Variants in VEZF1 observed in about 807,000 individuals in gnomAD.
VEZF1 encodes vascular endothelial zinc finger 1.
VEZF1 carries 5 observed loss-of-function variants against 44.1 expected under a neutral mutation model. That is an observed-to-expected ratio of 0.11 (90% CI 0.06 to 0.24). VEZF1 has a LOEUF of 0.24. Ranked by LOEUF, VEZF1 falls within the 10% of genes least tolerant of loss-of-function variation. The probability of loss-of-function intolerance (pLI) is 1.00; values close to 1 mark genes in which losing one functional copy is unlikely to be tolerated. For missense variants in VEZF1, 358 were observed against 641.8 expected (o/e 0.56, Z 4.78); for synonymous variants, 236 against 233.1 (o/e 1.01, Z -0.11).
In VEZF1 at chr17:57,972,968, A is replaced by G. The variant is rs1485397946; in HGVS notation, c.*1505T>C. The G allele has an allele frequency of 6.6e-6, 1 of 152,588 alleles. No individual in the cohort carries two copies. The allele number at this position is 152,588 out of a possible 1,614,324, so 9.5% of individuals were successfully genotyped here. On this transcript the variant is annotated 3_prime_UTR_variant, in exon 6 of 6. Coordinates refer to ENST00000581208, the MANE Select transcript of VEZF1 (RefSeq NM_007146.3). The stretch of plus-strand genomic sequence containing the variant: ...TCCAGTTTGATAGTCAGTCCTGCAA[A>G]CATTCTGCAAGATTAACACAACTAA...
intron 5 of VEZF1, among the ~76,000 whole-genome samples, chr17:57,976,939 C>T (rs1000742703): frequency 2.0e-5 from 3 of 152,132 alleles, no homozygotes; most frequent in African/African-American, 7.2e-5. Flanking sequence ...TTACCTCCTC[C>T]TCCGTGTTTT....
At position 57,981,949 on chromosome 17, in the gene VEZF1, G is replaced by A. The variant is rs1017191246; in HGVS notation, c.729-13C>T. 4 of 1,613,434 alleles carry A rather than the reference G, an allele frequency of 2.5e-6. No individual in the cohort carries two copies. The African/African-American group carries it at 5.3e-5, about 22-fold the overall frequency. ...TAAGTGGTCAGGCCTGTGAAAAAGA[G>A]AGTTTCAACAGAAGATATAATCGAA... On this transcript the variant is annotated splice_polypyrimidine_tract_variant and intron_variant, in intron 2 of 5. Transcript: ENST00000581208.
At chr17:57,983,470 G>A (rs567564229) in intron 1 of VEZF1, 77 bp from the exon 2 acceptor site, 1 of 1,287,754 alleles carries the variant, frequency 7.8e-7, no homozygotes, top group Non-Finnish European at 1.1e-6. Context: ...CCAGACAATA[G>A]AGACCAGAAG....
chr17:57,982,322 TAA>T (rs2075256680), intron 2 of VEZF1, among the ~76,000 whole-genome samples: 1 of 152,198 alleles, frequency 6.6e-6, no homozygotes, highest in Non-Finnish European at 1.5e-5. Flanking sequence ...AAAGTTTAAT[TAA>T]GAGTATCCAA....
Position 57,979,223 on chromosome 17 carries a change from A to G in VEZF1, c.1067T>C (p.Val356Ala). Residue 356 changes from valine (V) to alanine (A), a missense_variant, in exon 5 of 6, where the codon GTG (valine) becomes GCG (alanine). Coordinates refer to ENST00000581208, the MANE Select transcript of VEZF1 (RefSeq NM_007146.3). The stretch of plus-strand genomic sequence containing the variant: ...TACTTGCTTCCCTGGCCAGCTTGTC[A>G]CATGTTGTTGTTGTTGTTGTTGCTG... ...QQQQQQQQQH[V>A]TSWPGKQVET... The G allele has an allele frequency of 6.2e-7, 1 of 1,612,050 alleles. No homozygotes were observed. Among genetic ancestry groups the G allele is most frequent in the Non-Finnish European group, 8.5e-7 (1 of 1,179,766 alleles).
Position 57,974,491 on chromosome 17 carries a change from A to G in VEZF1, c.1548T>C (p.Pro516=), listed in dbSNP as rs559896029. The change falls in exon 6 of 6, where the codon CCT becomes CCC. Residue 516 remains proline (P), a synonymous_variant. Coordinates refer to ENST00000581208, the MANE Select transcript of VEZF1 (RefSeq NM_007146.3). ...ESMPFLPQAL[P]TSPPW Reference sequence around the variant, plus strand: ...ATACTGTTTACCAAGGCGGTGATGTAGGCAAAGCTTGGGGCAAGAAAGGCA... The same window carrying G: ...ATACTGTTTACCAAGGCGGTGATGTGGGCAAAGCTTGGGGCAAGAAAGGCA... 1 of 1,613,550 alleles carries G rather than the reference A, an allele frequency of 6.2e-7. No individual in the cohort carries two copies. Among genetic ancestry groups the G allele is most frequent in the Non-Finnish European group, 8.5e-7 (1 of 1,179,488 alleles).
At chr17:57,979,341 G>A (rs756810105) in intron 4 of VEZF1, 28 bp from the exon 5 acceptor site, 1 of 1,607,112 alleles carries the variant, frequency 6.2e-7, no homozygotes, top group Non-Finnish European at 8.5e-7. Flanking sequence ...CAAAAACACT[G>A]TATCTACCTG....
intron 5 of VEZF1, among the ~76,000 whole-genome samples, chr17:57,975,161 A>C (rs2075177797): frequency 6.6e-6 from 1 of 152,206 alleles, no homozygotes; most frequent in Non-Finnish European, 1.5e-5. Flanking sequence ...TTTAGGTTTC[A>C]AGTTCAGATT....
rs528048674 is a variant in VEZF1 at position 57,982,985 on chromosome 17, G to T, written c.442C>A (p.Pro148Thr). 3.1e-6 allele frequency: 5 copies of T among 1,614,126 alleles called. No homozygotes were observed. The African/African-American group carries it at 6.7e-5, about 22-fold the overall frequency. The change falls in exon 2 of 6, where the codon CCC (proline) becomes ACC (threonine). Residue 148 changes from proline to threonine, a missense_variant. This residue lies in a region of VEZF1 where 117 missense variants were observed against 207.2 expected (regional missense o/e 0.56). Coordinates refer to ENST00000581208, the MANE Select transcript of VEZF1 (RefSeq NM_007146.3). ...GCTGTGGTGCTGGCACTGCTACTGG[G>T]GTTGGTGCCCGAGGAAGATGTAGTG... ...TVTTSSSGTN[P>T]SSSASTTAMP...
At chr17:57,977,305 T>C (rs943701678) in intron 5 of VEZF1, among the ~76,000 whole-genome samples, 1 of 152,020 alleles carries the variant, frequency 6.6e-6, no homozygotes, top group Non-Finnish European at 1.5e-5. Flanking sequence ...TGTTGTTGTT[T>C]TTGTAGAGAT....
chr17:57,982,973 C>T lies in VEZF1; in HGVS notation c.454G>A (p.Ala152Thr). Residue 152 changes from alanine (A) to threonine (T), a missense_variant, in exon 2 of 6, where the codon GCC becomes ACC. By Grantham distance (58) the Ala-to-Thr change is moderately conservative. Transcript: ENST00000581208. ...GTCACTGGCATAGCTGTGGTGCTGGCACTGCTACTGGGGTTGGTGCCCGAG... is the reference window on the plus strand; with the variant it reads ...GTCACTGGCATAGCTGTGGTGCTGGTACTGCTACTGGGGTTGGTGCCCGAG... ...SSSGTNPSSS[A>T]STTAMPVTQS... The T allele has an allele frequency of 1.2e-6, 2 of 1,614,162 alleles. No individual in the cohort carries two copies. The highest frequency in any genetic ancestry group is 1.1e-5 in the South Asian group (1 of 91,084).
At chr17:57,984,354 C>T (rs1343591000) in intron 1 of VEZF1, among the ~76,000 whole-genome samples, 1 of 152,112 alleles carries the variant, frequency 6.6e-6, no homozygotes, top group Non-Finnish European at 1.5e-5. Flanking sequence ...TGAGTAGTTA[C>T]TCTCTTGGTT....
intron 5 of VEZF1, 125 bp from the exon 6 acceptor site, chr17:57,975,025 T>C (rs1047367730): frequency 8.9e-7 from 1 of 1,126,046 alleles, no homozygotes; most frequent in East Asian, 2.6e-5. Context: ...CAGTTTTCTA[T>C]CAAGCGGTCA....
chr17:57,977,571 C>G (rs1381423398), intron 5 of VEZF1, among the ~76,000 whole-genome samples: 1 of 152,082 alleles, frequency 6.6e-6, no homozygotes. Flanking sequence ...TCGCCAGGGC[C>G]CAGTAGCTCA....
intron 5 of VEZF1, 137 bp from the exon 6 acceptor site, chr17:57,975,037 C>T (rs2143317615): frequency 9.8e-7 from 1 of 1,020,844 alleles, no homozygotes; most frequent in Non-Finnish European, 1.4e-6. Context: ...AAGCGGTCAA[C>T]AGAACAGAGG....
chr17:57,980,982 G>A (rs1301810427), intron 3 of VEZF1, among the ~76,000 whole-genome samples, 196 bp from the exon 4 acceptor site: 2 of 152,192 alleles, frequency 1.3e-5, no homozygotes, highest in Non-Finnish European at 2.9e-5. Context: ...TTTGAAGGAA[G>A]AAAATACATC....
intron 4 of VEZF1, among the ~76,000 whole-genome samples, chr17:57,980,321 G>T (rs757348149): frequency 1.3e-5 from 2 of 152,184 alleles, no homozygotes; most frequent in African/African-American, 4.8e-5. Flanking sequence ...CCTTCAAGTG[G>T]ATATGATATC....
chr17:57,980,577 G>T (rs2075239948), intron 4 of VEZF1, 26 bp downstream of exon 4: 3 of 1,602,606 alleles, frequency 1.9e-6, no homozygotes, highest in Non-Finnish European at 2.6e-6. Flanking sequence ...AAATATAAAA[G>T]AAAGAAAATC....
rs1483960682 is a variant in VEZF1 at position 57,973,586 on chromosome 17, A to C, written c.*887T>G. The C allele has an allele frequency of 9.8e-5, 15 of 152,590 alleles. No individual in the cohort carries two copies. Among genetic ancestry groups the C allele is most frequent in the Admixed American group, 9.8e-4 (15 of 15,278 alleles). 9.5% of individuals were successfully genotyped at this position (152,590 alleles called of 1,614,324 possible). ...CAGTGCCTCCAGCGTCTTCCAATTT[A>C]AAGCAATATATTTGTACTGTTCCAA... On this transcript the variant is annotated 3_prime_UTR_variant, in exon 6 of 6. Coordinates refer to ENST00000581208, the MANE Select transcript of VEZF1 (RefSeq NM_007146.3).
Sources: allele counts gnomAD v4.1 joint callset (sites outside exome capture counted in the v4.1 genomes callset), GRCh38; gene constraint gnomAD v4.1.1; regional missense constraint gnomAD v4.1.1; transcripts MANE v1.5; gene names NCBI Gene and HGNC (gene_info 2026-07-23, HGNC 2026-07-21).